The following XRRA1 variants were observed in gnomAD, a reference collection of about 807,000 sequenced individuals.
XRRA1 encodes X-ray radiation resistance-associated protein 1.
A neutral mutation model predicts 80.2 loss-of-function variants in XRRA1; 69 were observed. The observed-to-expected ratio is 0.86, with a 90% CI of 0.71 to 1.05. XRRA1 has a LOEUF of 1.05. Among genes scored for constraint, XRRA1 ranks in the 50% least tolerant of loss-of-function variants. The pLI is 0.00. For synonymous variants in XRRA1, 348 were observed against 389.9 expected, an observed-to-expected ratio of 0.89 and a Z score of 1.27; for missense variants, 967 against 976.4, an observed-to-expected ratio of 0.99 and a Z score of 0.13.
rs1382959001 is a variant in XRRA1, at chr11:74,843,013, G to C, written c.*187C>G. The C allele has an allele frequency of 1.3e-6, 1 of 749,206 alleles. No individual in the cohort carries two copies. The highest frequency in any genetic ancestry group is 2.1e-6 in the Non-Finnish European group (1 of 476,602). The allele number at this position is 749,206 out of a possible 1,614,324, so 46.4% of individuals were successfully genotyped here. On this transcript the variant is annotated 3_prime_UTR_variant, in exon 19 of 19. Coordinates refer to ENST00000684022, the MANE Select transcript of XRRA1 (RefSeq NM_001378157.1). ...TTATTGCCGCTGGGCCAGGCACCAG[G>C]TCATGCCTGGGCCAAGGAGGGGAGA... is the stretch of plus-strand genomic sequence containing the variant.
At chr11:74,887,585 G>C (rs915133727) in intron 10 of XRRA1, among the ~76,000 whole-genome samples, 2 of 152,192 alleles carry the variant, frequency 1.3e-5, no homozygotes, top group Non-Finnish European at 2.9e-5. Context: ...GCAGGACAGT[G>C]GGTGCAGCGC....
Position 74,842,787 on chromosome 11 carries a change from T to C in XRRA1, c.*413A>G, listed in dbSNP as rs748527521. 11 of 189,216 alleles carry C rather than the reference T, an allele frequency of 5.8e-5. No homozygotes were observed. The highest frequency in any genetic ancestry group is 1.1e-4 in the Non-Finnish European group (10 of 90,802). 11.7% of individuals were successfully genotyped at this position (189,216 alleles called of 1,614,324 possible). On this transcript the variant is annotated 3_prime_UTR_variant, in exon 19 of 19. Coordinates refer to ENST00000684022, the MANE Select transcript of XRRA1 (RefSeq NM_001378157.1). ...ACTCACAAGATCTGGTTTTTAAAAA[T>C]ACCCTTTTTTGGAGCCATTGTTCAG... is the stretch of plus-strand genomic sequence containing the variant.
At chr11:74,928,748 T>C (rs184377091) in intron 6 of XRRA1, among the ~76,000 whole-genome samples, 3 of 152,336 alleles carry the variant, frequency 2.0e-5, no homozygotes, top group South Asian at 2.1e-4. Flanking sequence ...ATGTTTCCAA[T>C]GAACAGCCTT....
At chr11:74,932,081 T>G (rs1200578014) in intron 5 of XRRA1, among the ~76,000 whole-genome samples, 1 of 152,242 alleles carries the variant, frequency 6.6e-6, no homozygotes, top group East Asian at 1.9e-4. Context: ...TGGGTTTCTC[T>G]TTCTTCCTAT....
intron 10 of XRRA1, among the ~76,000 whole-genome samples, chr11:74,896,456 C>T (rs1442985442): frequency 4.6e-5 from 7 of 152,140 alleles, no homozygotes; most frequent in Admixed American, 1.3e-4. Context: ...GGGAGGGAAG[C>T]GTGGGAAGGA....
chr11:74,871,532 T>C (rs2044765968), intron 10 of XRRA1, among the ~76,000 whole-genome samples: 1 of 152,218 alleles, frequency 6.6e-6, no homozygotes, highest in South Asian at 2.1e-4. Flanking sequence ...CAAGCTCTTT[T>C]AGCAGTCATA....
rs892768913 is a variant in XRRA1 at position 74,936,994 on chromosome 11, C to T, written c.169G>A (p.Glu57Lys). 2 of 1,613,788 alleles carry T rather than the reference C, an allele frequency of 1.2e-6. No individual in the cohort carries two copies. The highest frequency in any genetic ancestry group is 2.7e-5 in the African/African-American group (2 of 74,914). Residue 57 changes from glutamate (E) to lysine (K), a missense_variant, in exon 4 of 19, where the codon GAA becomes AAA. Glu to Lys is a moderately conservative substitution (Grantham distance 56). Coordinates refer to ENST00000684022, the MANE Select transcript of XRRA1 (RefSeq NM_001378157.1). The part of the protein sequence containing the change: ...KPKGLVGAQA[E>K]RRESLKATSF... ...GTCGCCTTCAGGCTTTCCCGACGTT[C>T]AGCTTGTGCTCCAACCAAACCCTTG...
chr11:74,905,521 A>ATT, intron 10 of XRRA1, among the ~76,000 whole-genome samples: 1 of 152,180 alleles, frequency 6.6e-6, no homozygotes, highest in Non-Finnish European at 1.5e-5. Flanking sequence ...GGAAGAGGAA[A>ATT]AAGGGGCTTA....
intron 12 of XRRA1, among the ~76,000 whole-genome samples, chr11:74,854,153 T>C (rs2040540183): frequency 6.6e-6 from 1 of 152,214 alleles, no homozygotes; most frequent in Non-Finnish European, 1.5e-5. Context: ...TATGTGTATG[T>C]TGGCGGTACT....
In XRRA1 at chr11:74,863,068, G is replaced by A. The variant is rs2042646255; in HGVS notation, c.1004-47C>T. ...ATGAAGGTTGGTGAGACCGCTGATT[G>A]ATGCCTAGAGCACCCAGGATATAGG... is the stretch of plus-strand genomic sequence containing the variant. On this transcript the variant is annotated intron_variant, in intron 10 of 18. Coordinates refer to ENST00000684022, the MANE Select transcript of XRRA1 (RefSeq NM_001378157.1). The A allele has an allele frequency of 7.8e-6, 12 of 1,546,646 alleles. No individual in the cohort carries two copies. In the East Asian group the frequency reaches 2.8e-4, roughly 36 times the overall value.
intron 10 of XRRA1, among the ~76,000 whole-genome samples, chr11:74,880,438 G>A (rs1344564886): frequency 4.7e-5 from 7 of 149,978 alleles, no homozygotes; most frequent in South Asian, 4.2e-4. Context: ...ATTTTTTGAA[G>A]GGTTTTTTGT....
chr11:74,930,401 A>C (rs570852314), intron 5 of XRRA1, 29 bp from the exon 6 acceptor site: 81 of 1,522,598 alleles, frequency 5.3e-5, no homozygotes, highest in Middle Eastern at 3.4e-4. Context: ...GAAAAAAAAA[A>C]AAATCCACAA....
intron 14 of XRRA1, among the ~76,000 whole-genome samples, chr11:74,848,725 A>G (rs1243650549): frequency 1.3e-5 from 2 of 152,168 alleles, no homozygotes; most frequent in Non-Finnish European, 2.9e-5. Context: ...GAGAGGTAAA[A>G]TGACCTGTCC....
intron 10 of XRRA1, among the ~76,000 whole-genome samples, chr11:74,865,254 C>G (rs2043146723): frequency 6.6e-6 from 1 of 152,186 alleles, no homozygotes; most frequent in Non-Finnish European, 1.5e-5. Context: ...TGAGACTGGG[C>G]TCTCCAGCCT....
chr11:74,921,814 G>A (rs1940885584), intron 7 of XRRA1, among the ~76,000 whole-genome samples: 2 of 152,184 alleles, frequency 1.3e-5, no homozygotes, highest in Admixed American at 6.5e-5. Context: ...TCTGGCATAT[G>A]TATATGCCTA....
intron 10 of XRRA1, among the ~76,000 whole-genome samples, chr11:74,870,235 G>A (rs1411480563): frequency 6.6e-6 from 1 of 152,188 alleles, no homozygotes; most frequent in Admixed American, 6.5e-5. Context: ...TGTTGACTGT[G>A]TTTCAAACCA....
chr11:74,920,483 TAA>T (rs1415212032), intron 8 of XRRA1, among the ~76,000 whole-genome samples: 5 of 152,204 alleles, frequency 3.3e-5, no homozygotes, highest in Admixed American at 3.3e-4. Flanking sequence ...GAGAAGGGAT[TAA>T]GAGGCATGGG....
chr11:74,913,104 T>C (rs748430894), intron 8 of XRRA1, among the ~76,000 whole-genome samples: 5 of 152,226 alleles, frequency 3.3e-5, no homozygotes, highest in African/African-American at 9.6e-5. Flanking sequence ...CCTGAACGTG[T>C]AACTGAAACT....
Position 74,842,866 on chromosome 11 carries a change from T to C in XRRA1, c.*334A>G, listed in dbSNP as rs1259638879. ...TTTCTCATACAACAGAGAACAAATG[T>C]ATCCCTGTTGCATCTGAACTGGAAA... On this transcript the variant is annotated 3_prime_UTR_variant, in exon 19 of 19. Transcript: ENST00000684022. The C allele has an allele frequency of 1.3e-5, 4 of 314,808 alleles. No individual in the cohort carries two copies. Among genetic ancestry groups the C allele is most frequent in the Non-Finnish European group, 1.8e-5 (3 of 169,572 alleles). The allele number at this position is 314,808 out of a possible 1,614,324, so 19.5% of individuals were successfully genotyped here.
Sources: gnomAD v4.1 joint callset for allele counts (sites outside exome capture counted in the v4.1 genomes callset) on GRCh38, gnomAD v4.1.1 for gene constraint, MANE v1.5 for transcripts, NCBI Gene and HGNC (gene_info 2026-07-23, HGNC 2026-07-21) for gene names.